Variants in ASB9 observed in about 807,000 individuals in gnomAD.
ASB9 encodes ankyrin repeat and SOCS box protein 9.
In ASB9, 5 loss-of-function variants were observed where a neutral mutation model predicts 16.6. That is an observed-to-expected ratio of 0.30 (90% CI 0.16 to 0.63). The LOEUF (loss-of-function observed/expected upper bound fraction) is 0.63. Among genes scored for constraint, ASB9 ranks in the 30% least tolerant of loss-of-function variants. ASB9 has a pLI of 0.82. For missense variants in ASB9, 216 were observed against 229.4 expected (o/e 0.94, Z 0.38); for synonymous variants, 100 against 86.4 (o/e 1.16, Z -0.87).
At chrX:15,252,092 G>A (rs972342182) in intron 4 of ASB9, among the ~76,000 whole-genome samples, 162 bp downstream of exon 4, 5 of 112,753 alleles carry the variant, frequency 4.4e-5, no homozygotes, top group Admixed American at 9.3e-5. Flanking sequence ...GAGTGAGGCC[G>A]AAGAATCTGC....
At chrX:15,252,103 A>G in intron 4 of ASB9, 151 bp downstream of exon 4, 2 of 580,726 alleles carry the variant, frequency 3.4e-6, no homozygotes, top group Non-Finnish European at 5.2e-6. Context: ...AAGAATCTGC[A>G]TTTGCAGGCC....
rs766764678 is a variant in ASB9, at chrX:15,258,902, G to A, written c.138C>T (p.His46=). 16 of 1,210,818 alleles carry A rather than the reference G, an allele frequency of 1.3e-5. No homozygotes were observed. Among genetic ancestry groups the A allele is most frequent in the South Asian group, 1.1e-4 (6 of 56,893 alleles). Residue 46 remains histidine (H), a synonymous_variant, in exon 2 of 7, where the codon CAC becomes CAT. Coordinates refer to ENST00000380488, the MANE Select transcript of ASB9 (RefSeq NM_001031739.3). Reference sequence around the variant, plus strand: ...GGTTCCTCAGAGACAGCTGATGTCCGTGGATTGCAGCTTCATGCATAGGAG... The same window carrying A: ...GGTTCCTCAGAGACAGCTGATGTCCATGGATTGCAGCTTCATGCATAGGAG... ...DWSPMHEAAI[H]GHQLSLRNLI...
chrX:15,244,691 T>TGA (rs112382242), intron 6 of ASB9, 61 bp from the exon 7 acceptor site: 10,419 of 954,645 alleles, frequency 0.011, 28 homozygotes, highest in East Asian at 0.086. Flanking sequence ...CTCCTTTTTT[T>TGA]TAAAAAAAAA....
At chrX:15,268,189 G>C (rs1263539795) in intron 1 of ASB9, among the ~76,000 whole-genome samples, 2 of 108,350 alleles carry the variant, frequency 1.8e-5, no homozygotes, top group Non-Finnish European at 3.8e-5. Flanking sequence ...AAAATTAGCC[G>C]GGTGTGGTGG....
At chrX:15,250,031 A>C (rs1924970821) in intron 5 of ASB9, among the ~76,000 whole-genome samples, 1 of 112,050 alleles carries the variant, frequency 8.9e-6, no homozygotes, top group South Asian at 3.7e-4. Context: ...TTCAATATCT[A>C]ATCAAAGAGA....
intron 1 of ASB9, among the ~76,000 whole-genome samples, chrX:15,261,026 A>C (rs1433358012): frequency 8.9e-6 from 1 of 111,953 alleles, no homozygotes; most frequent in African/African-American, 3.2e-5. Context: ...GGTACATCTT[A>C]AGTGAAATGG....
At chrX:15,264,978 T>G (rs1159346241) in intron 1 of ASB9, among the ~76,000 whole-genome samples, 1 of 111,838 alleles carries the variant, frequency 8.9e-6, no homozygotes, top group African/African-American at 3.2e-5. Flanking sequence ...TCTACTTCTT[T>G]GAAAACTTCT....
chrX:15,245,831 A>C (rs182454920), intron 6 of ASB9, among the ~76,000 whole-genome samples: 2 of 112,137 alleles, frequency 1.8e-5, no homozygotes, highest in East Asian at 2.8e-4. Context: ...GAGTTAACTT[A>C]TCTCTCAAGG....
intron 2 of ASB9, among the ~76,000 whole-genome samples, chrX:15,257,697 C>A (rs1215884537): frequency 1.8e-5 from 2 of 111,435 alleles, no homozygotes; most frequent in African/African-American, 6.5e-5. Context: ...AGTGTTCAGT[C>A]CACAGTCAGT....
At chrX:15,253,106 C>T (rs1301516536) in intron 3 of ASB9, among the ~76,000 whole-genome samples, 3 of 110,442 alleles carry the variant, frequency 2.7e-5, no homozygotes, top group Admixed American at 9.6e-5. Context: ...TGGTAGCATG[C>T]GCCTGTAGTC....
intron 4 of ASB9, among the ~76,000 whole-genome samples, chrX:15,251,084 T>C (rs1024696501): frequency 8.9e-6 from 1 of 112,434 alleles, no homozygotes; most frequent in Non-Finnish European, 1.9e-5. Flanking sequence ...AATCTGCAAC[T>C]ACGGGTGAAA....
At chrX:15,248,687 T>C in intron 6 of ASB9, 57 bp downstream of exon 6, 2 of 1,147,958 alleles carry the variant, frequency 1.7e-6, no homozygotes, top group Non-Finnish European at 2.3e-6. Context: ...ACCTGCCTTC[T>C]ACTAGAGCCC....
intron 6 of ASB9, among the ~76,000 whole-genome samples, chrX:15,244,877 A>AG (rs1289757169): frequency 8.9e-6 from 1 of 111,743 alleles, no homozygotes; most frequent in Non-Finnish European, 1.9e-5. Flanking sequence ...TTTAAAGCTT[A>AG]GCCTCACTAA....
intron 1 of ASB9, among the ~76,000 whole-genome samples, chrX:15,262,851 C>A (rs561120264): frequency 8.0e-5 from 9 of 112,113 alleles, no homozygotes; most frequent in African/African-American, 2.9e-4. Flanking sequence ...AGGCTGGTCT[C>A]CAACTCCTGA....
At chrX:15,264,780 C>G (rs1926253017) in intron 1 of ASB9, among the ~76,000 whole-genome samples, 1 of 111,801 alleles carries the variant, frequency 8.9e-6, no homozygotes, top group African/African-American at 3.3e-5. Flanking sequence ...GAGGTTTTAC[C>G]CAAGGGGCAG....
rs1481588664 is a variant in ASB9 at position 15,267,430 on chromosome X, A to ATG, written c.94+2350_94+2351insCA. Among the ~76,000 whole-genome samples, 21 of 93,862 alleles carry ATG rather than the reference A, an allele frequency of 2.2e-4. No homozygotes were observed. In the East Asian group the frequency reaches 5.6e-3, roughly 25 times the overall value. 81.5% of individuals were successfully genotyped at this position (93,862 alleles called of 115,157 possible). ...ATCTAAAAAAAAAATATATATATAT[A>ATG]TATAATTATATATATAATTCCTTGT... On this transcript the variant is annotated intron_variant, in intron 1 of 6. Coordinates refer to ENST00000380488, the MANE Select transcript of ASB9 (RefSeq NM_001031739.3).
rs765918969 is a variant in ASB9, at chrX:15,244,657, T to C, written c.761-27A>G. 1.4e-5 allele frequency: 16 copies of C among 1,165,050 alleles called. No individual in the cohort carries two copies. The African/African-American group carries it at 1.9e-4, about 14-fold the overall frequency. ...TGGAGAAAGATCATAAGACAAGTCATACAATGGTGCTATTGATCTAAGACT... is the reference window on the plus strand; with the variant it reads ...TGGAGAAAGATCATAAGACAAGTCACACAATGGTGCTATTGATCTAAGACT... On this transcript the variant is annotated intron_variant, in intron 6 of 6. Coordinates refer to ENST00000380488, the MANE Select transcript of ASB9 (RefSeq NM_001031739.3).
intron 4 of ASB9, 57 bp from the exon 5 acceptor site, chrX:15,250,621 G>A: frequency 2.7e-6 from 3 of 1,100,832 alleles, no homozygotes; most frequent in Admixed American, 5.0e-5. Flanking sequence ...TAGCTAGAAA[G>A]ACATTGCCAT....
rs765018300 is a variant in ASB9, at chrX:15,250,536, T to G, written c.462A>C (p.Ile154=). 1 of 1,208,707 alleles carries G rather than the reference T, an allele frequency of 8.3e-7. No individual in the cohort carries two copies. Among genetic ancestry groups the G allele is most frequent in the Admixed American group, 2.2e-5 (1 of 45,886 alleles). The stretch of plus-strand genomic sequence containing the variant: ...TATGGTCAATGTTGCCCCCATAAGC[T>G]ATAAGAGAGTTGACACACTCCACGT... The part of the protein sequence containing the change: ...RGHVECVNSL[I]AYGGNIDHKI... The change falls in exon 5 of 7, where the codon ATA becomes ATC. Residue 154 remains isoleucine, a synonymous_variant. Transcript: ENST00000380488.
Sources: gnomAD v4.1 joint callset for allele counts (sites outside exome capture counted in the v4.1 genomes callset) on GRCh38, gnomAD v4.1.1 for gene constraint, MANE v1.5 for transcripts, NCBI Gene and HGNC (gene_info 2026-07-23, HGNC 2026-07-21) for gene names.